Variants in SCHIP1 observed in about 807,000 individuals in gnomAD.
SCHIP1 encodes the protein schwannomin-interacting protein 1.
A neutral mutation model predicts 29.7 loss-of-function variants in SCHIP1; 8 were observed. That is an observed-to-expected ratio of 0.27 (90% CI 0.16 to 0.49). The LOEUF (loss-of-function observed/expected upper bound fraction) is 0.49. Ranked by LOEUF, SCHIP1 falls within the 20% of genes least tolerant of loss-of-function variation. The probability of loss-of-function intolerance (pLI) is 0.99; values close to 1 mark genes in which losing one functional copy is unlikely to be tolerated. For missense variants in SCHIP1, 193 were observed against 294.6 expected (o/e 0.66, Z 2.52); for synonymous variants, 76 against 94.9 (o/e 0.80, Z 1.16).
chr3:159,803,391 G>A, the SCHIP1 span, among the ~76,000 whole-genome samples: 1 of 152,166 alleles, frequency 6.6e-6, no homozygotes, highest in Non-Finnish European at 1.5e-5. Flanking sequence ...TAGAACAGAC[G>A]TGTGGGTGTA....
chr3:159,682,678 T>A, the SCHIP1 span, among the ~76,000 whole-genome samples: 2 of 152,176 alleles, frequency 1.3e-5, no homozygotes, highest in African/African-American at 4.8e-5. Context: ...AGATGAAGTG[T>A]GGAATCTGAG....
At chr3:159,656,693 T>C in the SCHIP1 span, among the ~76,000 whole-genome samples, 1 of 152,214 alleles carries the variant, frequency 6.6e-6, no homozygotes. Context: ...AATAAAGTGC[T>C]TAGAAAGCCC....
At chr3:159,856,666 G>A (rs1167730826) in intron 1 of SCHIP1, among the ~76,000 whole-genome samples, 1 of 152,214 alleles carries the variant, frequency 6.6e-6, no homozygotes, top group East Asian at 1.9e-4. Context: ...GCCCAGGGCC[G>A]GGCCAGCCGC....
the SCHIP1 span, among the ~76,000 whole-genome samples, chr3:159,361,338 A>G: frequency 2.9e-4 from 44 of 152,272 alleles, no homozygotes; most frequent in African/African-American, 9.1e-4. Flanking sequence ...GGGAAAGAGT[A>G]TCCCATGTAG....
chr3:159,796,972 T>G, the SCHIP1 span, among the ~76,000 whole-genome samples: 1 of 152,228 alleles, frequency 6.6e-6, no homozygotes, highest in Admixed American at 6.5e-5. Context: ...ACTAACTGAC[T>G]TTTTCTGTTA....
chr3:159,424,847 C>T, the SCHIP1 span, among the ~76,000 whole-genome samples: 16 of 152,278 alleles, frequency 1.1e-4, no homozygotes, highest in Non-Finnish European at 2.4e-4. Flanking sequence ...GATCTCTCGG[C>T]AGAAACTCTA....
chr3:159,295,552 T>G, the SCHIP1 span, among the ~76,000 whole-genome samples: 1 of 152,160 alleles, frequency 6.6e-6, no homozygotes. Flanking sequence ...CATTTTTTCT[T>G]TCTGCCTCCA....
the SCHIP1 span, among the ~76,000 whole-genome samples, chr3:159,486,817 C>T: frequency 4.9e-4 from 75 of 152,330 alleles, no homozygotes; most frequent in African/African-American, 1.6e-3. Flanking sequence ...CTTTTGTCTC[C>T]ATGGCTGCTG....
the SCHIP1 span, chr3:159,764,437 C>A: frequency 6.3e-7 from 1 of 1,582,904 alleles, no homozygotes; most frequent in South Asian, 1.2e-5. The surrounding 1 kb of genome is among the most constrained non-coding windows in gnomAD (Gnocchi z 6.1). Flanking sequence ...TACCTCCTCC[C>A]CCTAGGATTA....
At chr3:159,484,418 T>A in the SCHIP1 span, among the ~76,000 whole-genome samples, 1 of 152,136 alleles carries the variant, frequency 6.6e-6, no homozygotes, top group Non-Finnish European at 1.5e-5. Flanking sequence ...TAGATAATTA[T>A]GGCCAGAGTT....
the SCHIP1 span, among the ~76,000 whole-genome samples, chr3:159,329,621 T>A: frequency 6.6e-6 from 1 of 152,220 alleles, no homozygotes; most frequent in Non-Finnish European, 1.5e-5. Context: ...TTAGATTTCC[T>A]ATTTATCGAC....
At chr3:159,718,582 C>T in the SCHIP1 span, among the ~76,000 whole-genome samples, 1 of 152,092 alleles carries the variant, frequency 6.6e-6, no homozygotes. Context: ...TTCTTATACA[C>T]CAATAACAGA....
At chr3:159,357,057 G>A in the SCHIP1 span, among the ~76,000 whole-genome samples, 1 of 152,118 alleles carries the variant, frequency 6.6e-6, no homozygotes, top group Admixed American at 6.6e-5. Context: ...ACTTGAATTT[G>A]GTTAGATCAA....
At chr3:159,356,132 G>A in the SCHIP1 span, among the ~76,000 whole-genome samples, 1 of 151,788 alleles carries the variant, frequency 6.6e-6, no homozygotes, top group Admixed American at 6.6e-5. Context: ...TGGGTGCAGT[G>A]CACCAGCATG....
chr3:159,594,993 A>T, the SCHIP1 span, among the ~76,000 whole-genome samples: 1 of 152,158 alleles, frequency 6.6e-6, no homozygotes, highest in Non-Finnish European at 1.5e-5. Flanking sequence ...CTCTTTGGCC[A>T]GAATCTGTCA....
chr3:159,799,729 C>A, the SCHIP1 span, among the ~76,000 whole-genome samples: 2 of 152,180 alleles, frequency 1.3e-5, no homozygotes, highest in African/African-American at 4.8e-5. Context: ...GCCTGGCACA[C>A]AGAAGTTTCG....
intron 2 of SCHIP1, among the ~76,000 whole-genome samples, chr3:159,880,151 C>G (rs992998692): frequency 6.6e-6 from 1 of 152,152 alleles, no homozygotes; most frequent in Non-Finnish European, 1.5e-5. Context: ...GGGATCAGGA[C>G]AGGATATAAA....
chr3:159,302,883 A>G, the SCHIP1 span, among the ~76,000 whole-genome samples: 2 of 152,162 alleles, frequency 1.3e-5, no homozygotes, highest in South Asian at 4.1e-4. Flanking sequence ...GAGAAAACCA[A>G]ATAAGACTAA....
the SCHIP1 span, among the ~76,000 whole-genome samples, chr3:159,483,427 TCA>T: frequency 6.6e-6 from 1 of 152,286 alleles, no homozygotes; most frequent in South Asian, 2.1e-4. Context: ...CTGCAGGCAT[TCA>T]CAGTTATTTA....
Sources: gnomAD v4.1 joint callset for allele counts (sites outside exome capture counted in the v4.1 genomes callset) on GRCh38, gnomAD v4.1.1 for gene constraint, Gnocchi (gnomAD v3.1) non-coding constraint, MANE v1.5 for transcripts, NCBI Gene and HGNC (gene_info 2026-07-23, HGNC 2026-07-21) for gene names.